DLGAP2: variants seen among roughly 807,000 people sequenced by gnomAD.
DLGAP2 encodes disks large-associated protein 2.
A neutral mutation model predicts 100.3 loss-of-function variants in DLGAP2; 26 were observed. The observed-to-expected ratio is 0.26, with a 90% CI of 0.19 to 0.36. The LOEUF (loss-of-function observed/expected upper bound fraction) is 0.36. DLGAP2 is among the 10% of genes least tolerant of loss of function. The pLI, the probability that DLGAP2 is intolerant of heterozygous loss-of-function variation, is 1.00. For missense variants in DLGAP2, 1,858 were observed against 1,453.2 expected (o/e 1.28, Z -4.53); for synonymous variants, 886 against 630.1 (o/e 1.41, Z -6.08).
chr8:1,292,090 TGTG>T (rs1183488906), intron 3 of DLGAP2, among the ~76,000 whole-genome samples: 1 of 152,162 alleles, frequency 6.6e-6, no homozygotes, highest in African/African-American at 2.4e-5. Context: ...ACAGATGAAT[TGTG>T]GTGTGTCAGC....
chr8:982,302 T>C (rs1428920678), intron 2 of DLGAP2, among the ~76,000 whole-genome samples: 1 of 152,238 alleles, frequency 6.6e-6, no homozygotes, highest in African/African-American at 2.4e-5. Context: ...CAGCAGGCAC[T>C]CAGCATGTGC....
chr8:1,654,733 C>G (rs946317760), intron 8 of DLGAP2, among the ~76,000 whole-genome samples: 2 of 150,884 alleles, frequency 1.3e-5, no homozygotes, highest in African/African-American at 2.4e-5. Context: ...AGGAGCCAAA[C>G]TATGTTGCTG....
At chr8:1,352,895 G>T (rs1051928315) in intron 3 of DLGAP2, among the ~76,000 whole-genome samples, 1 of 152,226 alleles carries the variant, frequency 6.6e-6, no homozygotes, top group East Asian at 1.9e-4. Flanking sequence ...GAGAGCCTGA[G>T]AATGGGGCCT....
chr8:837,160 C>T (rs1265033632), intron 1 of DLGAP2, among the ~76,000 whole-genome samples: 1 of 152,196 alleles, frequency 6.6e-6, no homozygotes, highest in African/African-American at 2.4e-5. Context: ...TTCCTCCTGG[C>T]GGGGATCCCG....
At chr8:1,307,411 A>G (rs1800515271) in intron 3 of DLGAP2, among the ~76,000 whole-genome samples, 1 of 152,214 alleles carries the variant, frequency 6.6e-6, no homozygotes. Flanking sequence ...AACCTTGTGC[A>G]TTTTTGGTGA....
At chr8:893,597 C>G (rs1385294223) in intron 1 of DLGAP2, among the ~76,000 whole-genome samples, 1 of 152,220 alleles carries the variant, frequency 6.6e-6, no homozygotes, top group Non-Finnish European at 1.5e-5. Context: ...GGGGCCGCCC[C>G]TCAGCCCGGA....
At chr8:1,227,548 C>A (rs369561241) in intron 2 of DLGAP2, among the ~76,000 whole-genome samples, 4 of 150,994 alleles carry the variant, frequency 2.6e-5, no homozygotes, top group African/African-American at 4.9e-5. Flanking sequence ...GACTGGAGTG[C>A]AGTGGCACAA....
intron 1 of DLGAP2, among the ~76,000 whole-genome samples, chr8:762,852 AT>A (rs1821121238): frequency 1.3e-5 from 2 of 151,836 alleles, no homozygotes; most frequent in Admixed American, 1.3e-4. Flanking sequence ...TAGCTTTTGA[AT>A]TTTTTGTAGA....
rs147197606 is a variant in DLGAP2, at chr8:1,325,826, T to C, written c.106+66943T>C. 6.2e-3 allele frequency among the ~76,000 whole-genome samples: 926 copies of C among 149,386 alleles called. 9 individuals carry two copies. Among genetic ancestry groups the C allele is most frequent in the African/African-American group, 0.022 (852 of 38,820 alleles). ...GTTGTCGTCAGCTCCTTTTGGATCG[T>C]TTTTTTGCAAGGACCGTCCATGGAG... On this transcript the variant is annotated intron_variant, in intron 3 of 14. Transcript: ENST00000637795.
chr8:1,328,191 C>T (rs983938870), intron 3 of DLGAP2, among the ~76,000 whole-genome samples: 5 of 151,540 alleles, frequency 3.3e-5, no homozygotes, highest in Non-Finnish European at 5.9e-5. Context: ...AGGCATGTGC[C>T]ACCACACCTG....
intron 1 of DLGAP2, among the ~76,000 whole-genome samples, chr8:816,181 A>C (rs1796473171): frequency 6.6e-6 from 1 of 152,040 alleles, no homozygotes; most frequent in African/African-American, 2.4e-5. Flanking sequence ...TGTATCTTTT[A>C]AGTGGAACAT....
intron 3 of DLGAP2, among the ~76,000 whole-genome samples, chr8:1,465,982 G>A (rs777518515): frequency 5.9e-5 from 9 of 152,208 alleles, no homozygotes; most frequent in Non-Finnish European, 7.3e-5. Flanking sequence ...GTCAGAGAGA[G>A]ACTCCCAACG....
At chr8:1,357,506 A>G (rs1179451040) in intron 3 of DLGAP2, among the ~76,000 whole-genome samples, 1 of 151,818 alleles carries the variant, frequency 6.6e-6, no homozygotes, top group African/African-American at 2.4e-5. Flanking sequence ...GAGTGAGAAT[A>G]TTAATACCAT....
intron 2 of DLGAP2, among the ~76,000 whole-genome samples, chr8:1,145,292 G>T (rs535446998): frequency 2.5e-4 from 38 of 152,194 alleles, no homozygotes; most frequent in African/African-American, 8.7e-4. Flanking sequence ...ATCCCTCCAG[G>T]AAGCCGCTGT....
chr8:1,536,997 T>C (rs1381322855), intron 4 of DLGAP2, among the ~76,000 whole-genome samples: 4 of 151,974 alleles, frequency 2.6e-5, no homozygotes, highest in Non-Finnish European at 4.4e-5. Flanking sequence ...CCAAGGCCGG[T>C]ACAATGATTA....
At chr8:1,700,353 C>A (rs1308663543) in intron 14 of DLGAP2, among the ~76,000 whole-genome samples, 1 of 152,012 alleles carries the variant, frequency 6.6e-6, no homozygotes, top group African/African-American at 2.4e-5. Context: ...TACGGAGAGT[C>A]CCTGTCATGG....
intron 6 of DLGAP2, among the ~76,000 whole-genome samples, chr8:1,596,349 T>C (rs946868503): frequency 2.6e-5 from 4 of 152,238 alleles, no homozygotes; most frequent in Non-Finnish European, 5.9e-5. Context: ...GCATGTGTCT[T>C]TATAGTAGAA....
chr8:1,623,504 C>T (rs542864352), intron 6 of DLGAP2, among the ~76,000 whole-genome samples: 3 of 149,992 alleles, frequency 2.0e-5, no homozygotes, highest in Non-Finnish European at 4.4e-5. Flanking sequence ...GGCACCAGTG[C>T]GTGATGACCT....
At chr8:1,075,506 C>G (rs1803578038) in intron 2 of DLGAP2, among the ~76,000 whole-genome samples, 1 of 152,100 alleles carries the variant, frequency 6.6e-6, no homozygotes, top group Non-Finnish European at 1.5e-5. Context: ...TCTGTGATGG[C>G]ATTTTCATCC....
Sources: gnomAD v4.1 joint callset for allele counts (sites outside exome capture counted in the v4.1 genomes callset) on GRCh38, gnomAD v4.1.1 for gene constraint, MANE v1.5 for transcripts, NCBI Gene and HGNC (gene_info 2026-07-23, HGNC 2026-07-21) for gene names.